Variants in CDRT4 observed in about 807,000 individuals in gnomAD.
CDRT4 encodes CMT1A duplicated region transcript 4.
For missense variants in CDRT4, 167 were observed against 193.1 expected (o/e 0.87, Z 0.80); for synonymous variants, 64 against 69.6 (o/e 0.92, Z 0.40).
intron 1 of CDRT4, among the ~76,000 whole-genome samples, chr17:15,458,437 G>C (rs1035357127): frequency 6.6e-6 from 1 of 152,060 alleles, no homozygotes; most frequent in African/African-American, 2.4e-5. Context: ...CATTAGGAAC[G>C]TTCAAGGAGA....
At chr17:15,465,161 ACAC>A (rs1232868526) in intron 1 of CDRT4, among the ~76,000 whole-genome samples, 1 of 122,190 alleles carries the variant, frequency 8.2e-6, no homozygotes, top group Non-Finnish European at 1.6e-5. Context: ...CAACACACAC[ACAC>A]CAACACACAG....
intron 2 of CDRT4, among the ~76,000 whole-genome samples, chr17:15,445,521 T>C (rs144839925): frequency 3.6e-4 from 55 of 152,318 alleles, no homozygotes; most frequent in African/African-American, 1.3e-3. Flanking sequence ...ATTCATTCAT[T>C]CATTTAATGC....
intron 1 of CDRT4, among the ~76,000 whole-genome samples, chr17:15,466,199 C>T (rs1980036115): frequency 6.6e-6 from 1 of 152,126 alleles, no homozygotes; most frequent in African/African-American, 2.4e-5. Context: ...ACTCGGCTGC[C>T]CATGTTCTTA....
At chr17:15,459,523 C>A (rs1979652265) in intron 1 of CDRT4, among the ~76,000 whole-genome samples, 2 of 147,214 alleles carry the variant, frequency 1.4e-5, no homozygotes, top group Non-Finnish European at 1.5e-5. Flanking sequence ...CAGCTTCCTG[C>A]AAGCTCCGCC....
rs748588349 is a variant in CDRT4, at chr17:15,464,736, G to A, written c.-130+2724C>T. Among the ~76,000 whole-genome samples, 5 of 152,072 alleles carry A rather than the reference G, an allele frequency of 3.3e-5. No homozygotes were observed. Among genetic ancestry groups the A allele is most frequent in the Non-Finnish European group, 7.4e-5 (5 of 68,004 alleles). On this transcript the variant is annotated intron_variant, in intron 1 of 3. Transcript: ENST00000619038. The surrounding 1 kb of genome is among the most constrained non-coding windows in gnomAD (Gnocchi z 4.5). Reference sequence around the variant, plus strand: ...TTCTTCCATTGACCCCCAAGCTTCCGTTACTTGTATTTTGCTCCTTTTCTC... The same window carrying A: ...TTCTTCCATTGACCCCCAAGCTTCCATTACTTGTATTTTGCTCCTTTTCTC...
At chr17:15,439,078 TTCCCATCTTTCA>T in intron 3 of CDRT4, 1 of 455,754 alleles carries the variant, frequency 2.2e-6, no homozygotes, top group Non-Finnish European at 4.4e-6. Context: ...ATGTCAGTCC[TTCCCATCTTTCA>T]TTAGCAACGT....
intron 1 of CDRT4, among the ~76,000 whole-genome samples, chr17:15,466,956 A>C (rs2150803738): frequency 6.6e-6 from 1 of 152,306 alleles, no homozygotes; most frequent in Non-Finnish European, 1.5e-5. Context: ...AATTTTTTAA[A>C]GGTATTTACC....
rs568668646 is a variant in CDRT4 at position 15,447,790 on chromosome 17, C to A, written c.-48+5214G>T. ...AATAGAATTTCCAGAACTAGCCAAG[C>A]AGGCATAATCAGAGGAGAGCTTTTC... On this transcript the variant is annotated intron_variant, in intron 2 of 3. Transcript: ENST00000619038. Among the ~76,000 whole-genome samples the A allele has an allele frequency of 4.9e-4, 74 of 152,272 alleles. 2 individuals carry two copies. In the South Asian group the frequency reaches 0.015, roughly 30 times the overall value.
intron 2 of CDRT4, 129 bp from the exon 3 acceptor site, chr17:15,440,414 G>T: frequency 9.5e-7 from 1 of 1,047,272 alleles, no homozygotes; most frequent in Non-Finnish European, 1.4e-6. Context: ...CACCCCCTGA[G>T]AAGAGGACAT....
intron 1 of CDRT4, among the ~76,000 whole-genome samples, chr17:15,456,041 C>T (rs1482023325): frequency 1.3e-5 from 2 of 152,192 alleles, no homozygotes; most frequent in African/African-American, 4.8e-5. Context: ...ATCTCACCCA[C>T]AAAACTGAGA....
At chr17:15,465,930 G>A (rs1264112863) in intron 1 of CDRT4, among the ~76,000 whole-genome samples, 4 of 152,146 alleles carry the variant, frequency 2.6e-5, no homozygotes, top group Non-Finnish European at 4.4e-5. Context: ...CCTGGGGGCA[G>A]ATCCAGTTGT....
chr17:15,459,439 C>CTTTTTTTTTTTTTTT (rs35161691), intron 1 of CDRT4, among the ~76,000 whole-genome samples: 9 of 107,510 alleles, frequency 8.4e-5, no homozygotes, highest in Non-Finnish European at 8.9e-5. Flanking sequence ...CTTTTTTTTT[C>CTTTTTTTTTTTTTTT]TTTTTTTTTT....
intron 1 of CDRT4, among the ~76,000 whole-genome samples, chr17:15,454,246 C>A (rs1339098334): frequency 6.6e-6 from 1 of 152,152 alleles, no homozygotes; most frequent in Non-Finnish European, 1.5e-5. Flanking sequence ...CCTGTTTATA[C>A]CATCTGCTCA....
rs1026242109 is a variant in CDRT4, at chr17:15,459,447, T to C, written c.-129-6362A>G. On this transcript the variant is annotated intron_variant, in intron 1 of 3. Transcript: ENST00000619038. Reference sequence around the variant, plus strand: ...TTGATTTCTTTTTTTTTCTTTTTTTTTTTTTTTTTTTTTGTGAGACAGAGT... The same window carrying C: ...TTGATTTCTTTTTTTTTCTTTTTTTCTTTTTTTTTTTTTGTGAGACAGAGT... Among the ~76,000 whole-genome samples the C allele has an allele frequency of 3.6e-3, 513 of 142,192 alleles. 13 individuals are homozygous for C. Among genetic ancestry groups the C allele is most frequent in the Admixed American group, 0.031 (438 of 14,314 alleles). 93.3% of individuals were successfully genotyped at this position (142,192 alleles called of 152,430 possible).
chr17:15,455,067 A>C (rs1375752576), intron 1 of CDRT4, among the ~76,000 whole-genome samples: 1 of 152,166 alleles, frequency 6.6e-6, no homozygotes, highest in Non-Finnish European at 1.5e-5. Flanking sequence ...TGAGGACTAG[A>C]TGAACTCTAG....
chr17:15,447,924 T>C (rs1415565949), intron 2 of CDRT4, among the ~76,000 whole-genome samples: 2 of 152,174 alleles, frequency 1.3e-5, no homozygotes, highest in Non-Finnish European at 2.9e-5. Context: ...TACAAACTCA[T>C]ATTCAGGAAA....
At chr17:15,462,420 T>C (rs1597470700) in intron 1 of CDRT4, among the ~76,000 whole-genome samples, 2 of 86,138 alleles carry the variant, frequency 2.3e-5, no homozygotes, top group Admixed American at 2.0e-4. Flanking sequence ...AGAGTGAGAC[T>C]CCATCTCAAA....
At chr17:15,463,112 TG>T (rs1430910422) in intron 1 of CDRT4, among the ~76,000 whole-genome samples, 1 of 151,904 alleles carries the variant, frequency 6.6e-6, no homozygotes, top group Non-Finnish European at 1.5e-5. Flanking sequence ...CGTGTGTGGG[TG>T]TGAGTGTGCC....
chr17:15,461,419 G>A (rs1323111035), intron 1 of CDRT4, among the ~76,000 whole-genome samples: 4 of 152,316 alleles, frequency 2.6e-5, no homozygotes, highest in Non-Finnish European at 5.9e-5. Context: ...AAGACTTCCT[G>A]GGGTAGATGA....
Sources: allele counts gnomAD v4.1 joint callset (sites outside exome capture counted in the v4.1 genomes callset), GRCh38; gene constraint gnomAD v4.1.1; non-coding constraint Gnocchi (gnomAD v3.1); transcripts MANE v1.5; gene names NCBI Gene and HGNC (gene_info 2026-07-23, HGNC 2026-07-21).